The following ADAMTS16 variants were observed in gnomAD, a reference collection of about 807,000 sequenced individuals.
ADAMTS16 encodes the protein A disintegrin and metalloproteinase with thrombospondin motifs 16.
Under a neutral mutation model 145.8 loss-of-function variants are expected in ADAMTS16, and 94 were observed. The observed-to-expected ratio is 0.64, with a 90% CI of 0.55 to 0.77. ADAMTS16 has a LOEUF of 0.77. ADAMTS16 is among the 30% of genes least tolerant of loss of function. The pLI, the probability that ADAMTS16 is intolerant of heterozygous loss-of-function variation, is 0.00. For missense variants in ADAMTS16, 1,585 were observed against 1,591.5 expected (o/e 1.00, Z 0.07); for synonymous variants, 659 against 604.3 (o/e 1.09, Z -1.33).
intron 17 of ADAMTS16, among the ~76,000 whole-genome samples, chr5:5,244,627 C>T (rs972804144): frequency 2.0e-5 from 3 of 152,148 alleles, no homozygotes; most frequent in Admixed American, 6.5e-5. Flanking sequence ...TTACTGACTC[C>T]CATTCTTATG....
At chr5:5,152,186 C>G (rs1734486396) in intron 3 of ADAMTS16, among the ~76,000 whole-genome samples, 2 of 152,240 alleles carry the variant, frequency 1.3e-5, no homozygotes, top group Non-Finnish European at 2.9e-5. Flanking sequence ...GCTCCTTGTT[C>G]ATGCAGCCTG....
intron 18 of ADAMTS16, among the ~76,000 whole-genome samples, chr5:5,279,804 C>T (rs911758572): frequency 6.6e-6 from 1 of 151,810 alleles, no homozygotes; most frequent in African/African-American, 2.4e-5. Flanking sequence ...GTCTTTGTTT[C>T]TTCTCTTTTA....
intron 17 of ADAMTS16, 104 bp from the exon 18 acceptor site, chr5:5,262,553 G>A: frequency 3.4e-6 from 5 of 1,483,596 alleles, no homozygotes; most frequent in Non-Finnish European, 4.5e-6. Flanking sequence ...ACACATGCCA[G>A]TATGGCTAAG....
At chr5:5,145,617 C>T (rs1442247589) in intron 2 of ADAMTS16, among the ~76,000 whole-genome samples, 1 of 152,134 alleles carries the variant, frequency 6.6e-6, no homozygotes, top group Admixed American at 6.5e-5. Context: ...TTATATGTGC[C>T]CCCAGTAAAG....
intron 8 of ADAMTS16, 25 bp from the exon 9 acceptor site, chr5:5,200,107 A>ATCTC (rs58639468): frequency 0.23 from 335,071 of 1,437,178 alleles, 18,031 homozygotes; most frequent in East Asian, 0.27. Flanking sequence ...TGAAAGAACC[A>ATCTC]TCTCTCTCTC....
intron 21 of ADAMTS16, among the ~76,000 whole-genome samples, chr5:5,312,629 G>A (rs762622019): frequency 6.6e-6 from 1 of 152,040 alleles, no homozygotes; most frequent in Non-Finnish European, 1.5e-5. Flanking sequence ...TGTAATTTTA[G>A]TAGAGACGGG....
At chr5:5,153,308 A>T (rs1477339127) in intron 3 of ADAMTS16, among the ~76,000 whole-genome samples, 2 of 152,258 alleles carry the variant, frequency 1.3e-5, no homozygotes, top group African/African-American at 4.8e-5. Flanking sequence ...ATTTATTTAC[A>T]GGTTTTTTAA....
chr5:5,252,070 T>G (rs200027880), intron 17 of ADAMTS16, among the ~76,000 whole-genome samples: 1 of 152,136 alleles, frequency 6.6e-6, no homozygotes, highest in Admixed American at 6.5e-5. Context: ...AGGATGGTCT[T>G]GATCTCCTGA....
intron 21 of ADAMTS16, among the ~76,000 whole-genome samples, chr5:5,314,276 G>T (rs2126535926): frequency 6.6e-6 from 1 of 152,322 alleles, no homozygotes. Flanking sequence ...TTCACAGTAA[G>T]AAAATAAATG....
At chr5:5,253,702 C>T (rs79030712) in intron 17 of ADAMTS16, among the ~76,000 whole-genome samples, 3,487 of 152,236 alleles carry the variant, frequency 0.023, 112 homozygotes, top group African/African-American at 0.076. Flanking sequence ...TCTCTGCAAC[C>T]CACATCTTCG....
chr5:5,207,822 T>C (rs1335975234), intron 9 of ADAMTS16, among the ~76,000 whole-genome samples: 2 of 152,128 alleles, frequency 1.3e-5, no homozygotes, highest in Non-Finnish European at 2.9e-5. Context: ...TGTAATAGAT[T>C]ACATTAATTG....
intron 18 of ADAMTS16, among the ~76,000 whole-genome samples, chr5:5,292,520 A>G (rs1739372472): frequency 6.6e-6 from 1 of 150,724 alleles, no homozygotes; most frequent in South Asian, 2.1e-4. Flanking sequence ...TAATAATAAT[A>G]ATAATAATTT....
intron 21 of ADAMTS16, among the ~76,000 whole-genome samples, chr5:5,311,314 AAAACAAAAAAAC>A (rs1444670540): frequency 2.0e-5 from 2 of 99,138 alleles, no homozygotes; most frequent in African/African-American, 7.6e-5. Context: ...AAAAAAAAAA[AAAACAAAAAAAC>A]AAAAAAACAT....
intron 3 of ADAMTS16, among the ~76,000 whole-genome samples, chr5:5,167,807 G>A (rs566076370): frequency 1.1e-3 from 161 of 152,338 alleles, no homozygotes; most frequent in African/African-American, 3.3e-3. Flanking sequence ...GTAGCCACCC[G>A]CCACATGTGG....
At chr5:5,216,712 C>T (rs1441202073) in intron 10 of ADAMTS16, among the ~76,000 whole-genome samples, 2 of 146,478 alleles carry the variant, frequency 1.4e-5, no homozygotes, top group South Asian at 2.2e-4. Flanking sequence ...CCCACTAACT[C>T]GTCATCTAGC....
At chr5:5,206,827 A>G (rs538175423) in intron 9 of ADAMTS16, among the ~76,000 whole-genome samples, 2 of 152,280 alleles carry the variant, frequency 1.3e-5, no homozygotes. Context: ...CAGTATGATC[A>G]GTTTAAAAGG....
chr5:5,284,393 G>A (rs1739036468), intron 18 of ADAMTS16, among the ~76,000 whole-genome samples: 4 of 152,124 alleles, frequency 2.6e-5, no homozygotes, highest in Admixed American at 2.6e-4. Flanking sequence ...CAATAGTAAT[G>A]CATGTAAATT....
intron 11 of ADAMTS16, among the ~76,000 whole-genome samples, chr5:5,231,069 C>T (rs993164815): frequency 1.8e-4 from 27 of 152,278 alleles, no homozygotes; most frequent in African/African-American, 5.3e-4. Context: ...CTCTGACAAC[C>T]GGTGCAACCT....
At chr5:5,209,584 C>T (rs1230546234) in intron 10 of ADAMTS16, among the ~76,000 whole-genome samples, 1 of 152,062 alleles carries the variant, frequency 6.6e-6, no homozygotes, top group East Asian at 1.9e-4. Flanking sequence ...TTTAAAAAAA[C>T]GAAGTCCCCC....
Sources: allele counts gnomAD v4.1 joint callset (sites outside exome capture counted in the v4.1 genomes callset), GRCh38; gene constraint gnomAD v4.1.1; transcripts MANE v1.5; gene names NCBI Gene and HGNC (gene_info 2026-07-23, HGNC 2026-07-21).